FRMD4A: variants seen among roughly 807,000 people sequenced by gnomAD.
FRMD4A encodes the protein FERM domain containing 4A, also known as FERM domain-containing protein 4A.
A neutral mutation model predicts 129.1 loss-of-function variants in FRMD4A; 29 were observed. The ratio of observed to expected loss-of-function variants is 0.22; its 90% CI spans 0.17 to 0.31. FRMD4A has a LOEUF of 0.31. Among genes scored for constraint, FRMD4A ranks in the 10% least tolerant of loss-of-function variants. The pLI is 1.00. For synonymous variants in FRMD4A, 634 were observed against 571.6 expected, an observed-to-expected ratio of 1.11 and a Z score of -1.56; for missense variants, 1,272 against 1,375.8, an observed-to-expected ratio of 0.92 and a Z score of 1.19.
intron 2 of FRMD4A, among the ~76,000 whole-genome samples, chr10:14,251,887 G>A (rs1039924588): frequency 6.6e-6 from 1 of 150,690 alleles, no homozygotes; most frequent in African/African-American, 2.4e-5. Context: ...GCACACATGT[G>A]CACACACACA....
intron 2 of FRMD4A, among the ~76,000 whole-genome samples, chr10:14,094,943 G>C (rs943406748): frequency 6.6e-6 from 1 of 152,130 alleles, no homozygotes; most frequent in African/African-American, 2.4e-5. Context: ...GTGTATGTAT[G>C]TGGGTGTGTG....
intron 2 of FRMD4A, among the ~76,000 whole-genome samples, chr10:14,008,823 C>A (rs1446630206): frequency 2.0e-5 from 3 of 152,130 alleles, no homozygotes; most frequent in African/African-American, 7.2e-5. Flanking sequence ...TATCTGTTTA[C>A]CCTTCCTGCT....
In FRMD4A at chr10:13,810,864, G is replaced by A. The variant is rs1194334044; in HGVS notation, c.156C>T (p.His52=). Residue 52 remains histidine, a synonymous_variant, in exon 4 of 25, where the codon CAC becomes CAT. Coordinates refer to ENST00000357447, the MANE Select transcript of FRMD4A (RefSeq NM_018027.5). ...AKELLDLVAS[H]FNLKEKEYFG... ...AGTACTCCTTTTCCTTCAGATTGAA[G>A]TGAGAAGCCACAAGGTCAAGAAGCT... 7 of 1,605,716 alleles carry A rather than the reference G, an allele frequency of 4.4e-6. No individual in the cohort carries two copies. Among genetic ancestry groups the A allele is most frequent in the Non-Finnish European group, 6.0e-6 (7 of 1,173,160 alleles).
At chr10:14,187,104 G>A (rs1842169458) in intron 2 of FRMD4A, among the ~76,000 whole-genome samples, 2 of 137,316 alleles carry the variant, frequency 1.5e-5, no homozygotes, top group Admixed American at 1.5e-4. Context: ...GGGTGACAGA[G>A]CAAGGCTCTG....
intron 9 of FRMD4A, among the ~76,000 whole-genome samples, chr10:13,746,155 C>T (rs188333028): frequency 1.3e-5 from 2 of 152,208 alleles, no homozygotes; most frequent in Non-Finnish European, 2.9e-5. Flanking sequence ...GGTCTTGGGG[C>T]CAGCTCCCTA....
intron 2 of FRMD4A, among the ~76,000 whole-genome samples, chr10:14,235,383 C>T (rs545261110): frequency 1.8e-4 from 27 of 151,864 alleles, no homozygotes; most frequent in Non-Finnish European, 3.2e-4. Flanking sequence ...CTCCTGACCT[C>T]GCGATCCACC....
intron 15 of FRMD4A, among the ~76,000 whole-genome samples, chr10:13,678,648 T>C (rs1017635290): frequency 2.6e-5 from 4 of 152,218 alleles, no homozygotes; most frequent in Non-Finnish European, 5.9e-5. Context: ...AGAGAAATCA[T>C]TGCAACTGCC....
At chr10:14,261,151 C>T (rs937398877) in intron 2 of FRMD4A, among the ~76,000 whole-genome samples, 8 of 152,146 alleles carry the variant, frequency 5.3e-5, no homozygotes, top group Admixed American at 4.6e-4. Flanking sequence ...TCCTTCCTTC[C>T]CTGGGGCAGT....
At position 14,196,936 on chromosome 10, in the gene FRMD4A, T is replaced by A. The variant is rs377550929; in HGVS notation, c.45+133122A>T. Among the ~76,000 whole-genome samples, 407 of 152,304 alleles carry A rather than the reference T, an allele frequency of 2.7e-3. 3 individuals carry two copies. Among genetic ancestry groups the A allele is most frequent in the African/African-American group, 8.6e-3 (356 of 41,568 alleles). On this transcript the variant is annotated intron_variant, in intron 2 of 24. Coordinates refer to ENST00000357447, the MANE Select transcript of FRMD4A (RefSeq NM_018027.5). Reference sequence around the variant, plus strand: ...AGGCAGGGGAAGGCAGGCAACCCTGTCTAGGGTCCATGCAATGTCAATAGT... The same window carrying A: ...AGGCAGGGGAAGGCAGGCAACCCTGACTAGGGTCCATGCAATGTCAATAGT...
chr10:13,881,197 C>G (rs574654502), intron 2 of FRMD4A, among the ~76,000 whole-genome samples: 2 of 148,378 alleles, frequency 1.3e-5, no homozygotes, highest in South Asian at 4.2e-4. Flanking sequence ...GTGGGAGGAT[C>G]GCTTGAGGTC....
chr10:13,961,362 G>GT (rs1208701913), intron 2 of FRMD4A, among the ~76,000 whole-genome samples: 1 of 152,218 alleles, frequency 6.6e-6, no homozygotes, highest in Non-Finnish European at 1.5e-5. Context: ...CTGAGGCTGG[G>GT]CGGTGAGGCT....
chr10:13,652,269 C>T, intron 23 of FRMD4A: 1 of 450,238 alleles, frequency 2.2e-6, no homozygotes, highest in Non-Finnish European at 4.1e-6. Flanking sequence ...TCAAATTTGG[C>T]TTGAGTCCTC....
chr10:14,084,102 C>T (rs537954123), intron 2 of FRMD4A, among the ~76,000 whole-genome samples: 1 of 152,198 alleles, frequency 6.6e-6, no homozygotes, highest in Non-Finnish European at 1.5e-5. Flanking sequence ...CTGACTGCTG[C>T]TTGTGGCATC....
chr10:14,093,595 T>G (rs1441627632), intron 2 of FRMD4A, among the ~76,000 whole-genome samples: 1 of 152,238 alleles, frequency 6.6e-6, no homozygotes, highest in East Asian at 1.9e-4. Context: ...GAGTGGGACC[T>G]GCTTGTATGC....
At position 13,747,771 on chromosome 10, in the gene FRMD4A, G is replaced by C; in HGVS notation, c.513C>G (p.Thr171=). 1 of 1,605,812 alleles carries C rather than the reference G, an allele frequency of 6.2e-7. No individual in the cohort carries two copies. The highest frequency in any genetic ancestry group is 8.5e-7 in the Non-Finnish European group (1 of 1,172,646). ...SDLKKLPALP[T]QALKEHPSLA... The stretch of plus-strand genomic sequence containing the variant: ...GGGAAGGGTGCTCCTTCAGGGCTTG[G>C]GTGGGAAGGGCTGGCAGCTTCTTCA... The change falls in exon 9 of 25, where the codon ACC becomes ACG. Residue 171 remains threonine, a synonymous_variant. Transcript: ENST00000357447.
intron 2 of FRMD4A, among the ~76,000 whole-genome samples, chr10:14,232,910 A>G (rs1196766990): frequency 6.6e-6 from 1 of 152,090 alleles, no homozygotes; most frequent in Non-Finnish European, 1.5e-5. Flanking sequence ...TTGGTCTTTT[A>G]TTTCGTAGTC....
rs1056380818 is a variant in FRMD4A at position 13,652,089 on chromosome 10, T to C, written c.3051-115A>G. 3 of 730,126 alleles carry C rather than the reference T, an allele frequency of 4.1e-6. No homozygotes were observed. The Admixed American group carries it at 5.8e-5, about 14-fold the overall frequency. The allele number at this position is 730,126 out of a possible 1,614,324, so 45.2% of individuals were successfully genotyped here. ...TAATATATCCGAAAGGCTTGCTGAT[T>C]AGACACCTGAGTTAGCAACAGATCA... On this transcript the variant is annotated intron_variant, in intron 23 of 24. Transcript: ENST00000357447.
intron 6 of FRMD4A, among the ~76,000 whole-genome samples, chr10:13,763,231 C>T (rs987149680): frequency 2.6e-5 from 4 of 152,126 alleles, no homozygotes; most frequent in Admixed American, 2.6e-4. Flanking sequence ...TTTTACAAAC[C>T]TGTTTGTTAA....
chr10:13,701,630 C>T (rs2086841453), intron 13 of FRMD4A, 152 bp from the exon 14 acceptor site: 1 of 628,582 alleles, frequency 1.6e-6, no homozygotes, highest in Admixed American at 2.9e-5. Context: ...CGTACACACA[C>T]ACACATGCGC....
Sources: gnomAD v4.1 joint callset for allele counts (sites outside exome capture counted in the v4.1 genomes callset) on GRCh38, gnomAD v4.1.1 for gene constraint, MANE v1.5 for transcripts, NCBI Gene and HGNC (gene_info 2026-07-23, HGNC 2026-07-21) for gene names.